The following PTAR1 variants were observed in gnomAD, a reference collection of about 807,000 sequenced individuals.
PTAR1 encodes the protein protein prenyltransferase alpha subunit repeat-containing protein 1.
A neutral mutation model predicts 45.5 loss-of-function variants in PTAR1; 17 were observed. That is an observed-to-expected ratio of 0.37 (90% CI 0.26 to 0.56). The LOEUF is 0.56. PTAR1 is among the 20% of genes least tolerant of loss of function. PTAR1 has a pLI of 0.77. For missense variants in PTAR1, 391 were observed against 476.3 expected, an observed-to-expected ratio of 0.82 and a Z score of 1.67; for synonymous variants, 169 against 171.3, an observed-to-expected ratio of 0.99 and a Z score of 0.11.
intron 3 of PTAR1, among the ~76,000 whole-genome samples, chr9:69,737,383 A>G (rs1444215355): frequency 3.3e-5 from 5 of 152,118 alleles, no homozygotes; most frequent in African/African-American, 1.2e-4. Flanking sequence ...ACCTGGCCTT[A>G]GAGCTACATT....
At chr9:69,737,980 T>C (rs1235329370) in intron 3 of PTAR1, among the ~76,000 whole-genome samples, 1 of 152,164 alleles carries the variant, frequency 6.6e-6, no homozygotes, top group Non-Finnish European at 1.5e-5. Context: ...TTGATATTGA[T>C]ATATTTTTAT....
chr9:69,755,271 C>T (rs1035429286), intron 1 of PTAR1, among the ~76,000 whole-genome samples: 20 of 152,154 alleles, frequency 1.3e-4, no homozygotes, highest in South Asian at 2.1e-4. Context: ...CAATGTGGAA[C>T]GAACCAGCAC....
rs777552182 is a variant in PTAR1, at chr9:69,715,229, C to T, written c.*3113G>A. ...GAAAAAAAAAGTCTAAATCAACTTA[C>T]TCTATATGCAATAGCTCTTCCCAAG... On this transcript the variant is annotated 3_prime_UTR_variant, in exon 8 of 8. Coordinates refer to ENST00000340434, the MANE Select transcript of PTAR1 (RefSeq NM_001099666.2). 6.6e-6 allele frequency: 1 copy of T among 152,074 alleles called. No individual in the cohort carries two copies. The highest frequency in any genetic ancestry group is 1.5e-5 in the Non-Finnish European group (1 of 67,998). 9.4% of individuals were successfully genotyped at this position (152,074 alleles called of 1,614,324 possible). A position where few individuals can be genotyped will look rare whatever the true frequency, so the allele number is the denominator to read the frequency against.
At chr9:69,719,028 GT>G (rs1335103212) in intron 6 of PTAR1, among the ~76,000 whole-genome samples, 1 of 152,132 alleles carries the variant, frequency 6.6e-6, no homozygotes, top group Non-Finnish European at 1.5e-5. Flanking sequence ...TCTGCTATAA[GT>G]TATAAATATA....
At chr9:69,740,161 A>C (rs962604234) in intron 3 of PTAR1, among the ~76,000 whole-genome samples, 1 of 152,184 alleles carries the variant, frequency 6.6e-6, no homozygotes, top group Admixed American at 6.6e-5. Flanking sequence ...TTTATAGGAT[A>C]TACAATGAAT....
At chr9:69,752,265 A>C (rs1354648791) in intron 1 of PTAR1, among the ~76,000 whole-genome samples, 2 of 152,128 alleles carry the variant, frequency 1.3e-5, no homozygotes, top group Non-Finnish European at 2.9e-5. Context: ...TGGTTGAATT[A>C]CAAAGTAGGA....
chr9:69,721,850 TTAGAC>T (rs113497260), intron 6 of PTAR1, among the ~76,000 whole-genome samples: 4 of 152,232 alleles, frequency 2.6e-5, no homozygotes, highest in Non-Finnish European at 4.4e-5. Flanking sequence ...TGCACACTTC[TTAGAC>T]TATAGTGTAA....
chr9:69,735,494 T>A (rs921772529), intron 3 of PTAR1, among the ~76,000 whole-genome samples: 7 of 152,292 alleles, frequency 4.6e-5, no homozygotes, highest in African/African-American at 1.7e-4. Flanking sequence ...ATTTTCTATC[T>A]GCGGTTGGTT....
At chr9:69,756,624 C>G (rs1483573542) in intron 1 of PTAR1, among the ~76,000 whole-genome samples, 1 of 152,152 alleles carries the variant, frequency 6.6e-6, no homozygotes, top group Non-Finnish European at 1.5e-5. Context: ...TCACTGCTCC[C>G]TGTGGAGGTC....
rs542785196 is a variant in PTAR1, at chr9:69,748,419, A to C, written c.256+2362T>G. Reference sequence around the variant, plus strand: ...TCACAGACTTAAAAAAAAAAAAATCAATCTCTAACTAACTAACTAAACAGG... The same window carrying C: ...TCACAGACTTAAAAAAAAAAAAATCCATCTCTAACTAACTAACTAAACAGG... On this transcript the variant is annotated intron_variant, in intron 2 of 7. Transcript: ENST00000340434. 2.0e-5 allele frequency among the ~76,000 whole-genome samples: 3 copies of C among 149,812 alleles called. No homozygotes were observed. The South Asian group carries it at 6.4e-4, about 32-fold the overall frequency.
chr9:69,735,509 C>T (rs1825747285), intron 3 of PTAR1, among the ~76,000 whole-genome samples: 1 of 152,128 alleles, frequency 6.6e-6, no homozygotes, highest in East Asian at 1.9e-4. Flanking sequence ...TTGGTTGAAT[C>T]CATGGATGCA....
Position 69,746,645 on chromosome 9 carries a change from T to C in PTAR1, c.256+4136A>G, listed in dbSNP as rs144957627. 3.9e-3 allele frequency among the ~76,000 whole-genome samples: 595 copies of C among 152,254 alleles called. 4 individuals carry two copies. Among genetic ancestry groups the C allele is most frequent in the African/African-American group, 0.014 (567 of 41,548 alleles). ...AACAGAACATATACCAGCAAATAAA[T>C]GTTCCTTTGTTACACACACTACAAT... is the stretch of plus-strand genomic sequence containing the variant. On this transcript the variant is annotated intron_variant, in intron 2 of 7. Coordinates refer to ENST00000340434, the MANE Select transcript of PTAR1 (RefSeq NM_001099666.2).
chr9:69,740,486 T>G (rs1357267943), intron 3 of PTAR1, among the ~76,000 whole-genome samples: 2 of 152,140 alleles, frequency 1.3e-5, no homozygotes, highest in Non-Finnish European at 1.5e-5. Context: ...GAAGGACTTT[T>G]GAATTCCTCT....
At chr9:69,734,545 C>T (rs192588142) in intron 3 of PTAR1, among the ~76,000 whole-genome samples, 6 of 152,138 alleles carry the variant, frequency 3.9e-5, no homozygotes, top group East Asian at 3.9e-4. Flanking sequence ...TAACTATTTG[C>T]GTGAGGGTAA....
At position 69,718,294 on chromosome 9, in the gene PTAR1, A is replaced by G. The variant is rs1270088424; in HGVS notation, c.*48T>C. The G allele has an allele frequency of 7.7e-7, 1 of 1,302,572 alleles. No individual in the cohort carries two copies. The highest frequency in any genetic ancestry group is 1.4e-5 in the South Asian group (1 of 69,510). The allele number at this position is 1,302,572 out of a possible 1,614,324, so 80.7% of individuals were successfully genotyped here. On this transcript the variant is annotated 3_prime_UTR_variant, in exon 8 of 8. Coordinates refer to ENST00000340434, the MANE Select transcript of PTAR1 (RefSeq NM_001099666.2). ...TGCAACTATGTAAATAATAAAAGAA[A>G]GCAATATTGCACTAAAAGGGGAACC...
intron 2 of PTAR1, among the ~76,000 whole-genome samples, chr9:69,744,922 G>A (rs896735300): frequency 6.6e-6 from 1 of 152,256 alleles, no homozygotes. Flanking sequence ...AGTGGTAAGA[G>A]GATAGGCCTT....
At chr9:69,741,522 C>CA in intron 3 of PTAR1, 1 of 348,840 alleles carries the variant, frequency 2.9e-6, no homozygotes. Context: ...AGTCTCCCAC[C>CA]CCAAAAAATG....
At chr9:69,733,999 G>C (rs1241630492) in intron 4 of PTAR1, 151 bp downstream of exon 4, 1 of 558,358 alleles carries the variant, frequency 1.8e-6, no homozygotes, top group Non-Finnish European at 3.2e-6. Context: ...TAGGTAGCAA[G>C]TTATATAGCT....
At chr9:69,719,723 GC>G (rs1824899420) in intron 6 of PTAR1, among the ~76,000 whole-genome samples, 2 of 152,148 alleles carry the variant, frequency 1.3e-5, no homozygotes, top group Non-Finnish European at 2.9e-5. Context: ...CTTGTGTCAA[GC>G]AAGTCTATCA....
Sources: gnomAD v4.1 joint callset for allele counts (sites outside exome capture counted in the v4.1 genomes callset) on GRCh38, gnomAD v4.1.1 for gene constraint, MANE v1.5 for transcripts, NCBI Gene and HGNC (gene_info 2026-07-23, HGNC 2026-07-21) for gene names.